ZFPM2: variants seen among roughly 807,000 people sequenced by gnomAD.
The protein encoded by ZFPM2 is zinc finger protein, FOG family member 2.
Under a neutral mutation model 98.6 loss-of-function variants are expected in ZFPM2, and 20 were observed. The ratio of observed to expected loss-of-function variants is 0.20; its 90% CI spans 0.14 to 0.29. The LOEUF is 0.29. ZFPM2 is among the 10% of genes least tolerant of loss of function. The pLI is 1.00. For synonymous variants in ZFPM2, 518 were observed against 502.7 expected, an observed-to-expected ratio of 1.03 and a Z score of -0.41; for missense variants, 1,310 against 1,388.6, an observed-to-expected ratio of 0.94 and a Z score of 0.90.
intron 3 of ZFPM2, among the ~76,000 whole-genome samples, chr8:105,458,221 T>G (rs1367881752): frequency 6.6e-6 from 1 of 152,208 alleles, no homozygotes; most frequent in Non-Finnish European, 1.5e-5. Context: ...GTTGCATGTT[T>G]TCAAATTTTT....
intron 1 of ZFPM2, among the ~76,000 whole-genome samples, chr8:105,395,896 T>C (rs1223350390): frequency 6.6e-6 from 1 of 152,204 alleles, no homozygotes; most frequent in Non-Finnish European, 1.5e-5. Context: ...ATCCTAGTTG[T>C]AGGCACGAGC....
Position 105,444,261 on chromosome 8 carries a change from T to C in ZFPM2, c.200-19T>C. 1.9e-6 allele frequency: 3 copies of C among 1,590,934 alleles called. No individual in the cohort carries two copies. Among genetic ancestry groups the C allele is most frequent in the African/African-American group, 2.7e-5 (2 of 74,596 alleles). On this transcript the variant is annotated intron_variant, in intron 2 of 7. Coordinates refer to ENST00000407775, the MANE Select transcript of ZFPM2 (RefSeq NM_012082.4). ...AGCTTTGCTCATTTTCTTTCTCTCC[T>C]TGTGTTGGTGTTTTCCAGGTGATGA...
At chr8:105,772,498 A>G (rs1266699715) in intron 5 of ZFPM2, among the ~76,000 whole-genome samples, 4 of 152,154 alleles carry the variant, frequency 2.6e-5, no homozygotes, top group Non-Finnish European at 5.9e-5. Context: ...GCAGGGGTAA[A>G]GAGGAAGGAA....
intron 6 of ZFPM2, among the ~76,000 whole-genome samples, chr8:105,792,302 T>A (rs1168822901): frequency 6.6e-6 from 1 of 152,188 alleles, no homozygotes; most frequent in African/African-American, 2.4e-5. Context: ...TTTGTTCTCA[T>A]TGGTTTCAAA....
Position 105,788,747 on chromosome 8 carries a change from G to A in ZFPM2, c.562G>A (p.Ala188Thr). The stretch of plus-strand genomic sequence containing the variant: ...TCAGCTTTGGTGTACAACTACGAAG[G>A]CCATCTCTGAGGGTGAAGAGCTAAT... ...GGQLWCTTTK[A>T]ISEGEELIAF... Residue 188 changes from alanine (A) to threonine (T), a missense_variant, in exon 6 of 8, where the codon GCC becomes ACC. Transcript: ENST00000407775. 6.2e-7 allele frequency: 1 copy of A among 1,613,928 alleles called. No homozygotes were observed. Among genetic ancestry groups the A allele is most frequent in the African/African-American group, 1.3e-5 (1 of 75,038 alleles).
chr8:105,610,385 A>C (rs1249230011), intron 4 of ZFPM2, among the ~76,000 whole-genome samples: 1 of 152,168 alleles, frequency 6.6e-6, no homozygotes, highest in Non-Finnish European at 1.5e-5. Flanking sequence ...GAAATTACTG[A>C]TATTGGAACT....
At chr8:105,641,572 C>G (rs1177643708) in intron 5 of ZFPM2, among the ~76,000 whole-genome samples, 2 of 152,088 alleles carry the variant, frequency 1.3e-5, no homozygotes, top group Non-Finnish European at 2.9e-5. Context: ...CTGTCTGTTG[C>G]AAATTGCAGA....
chr8:105,795,781 CAGTCGTCTGG>C, intron 6 of ZFPM2: 1 of 488,844 alleles, frequency 2.0e-6, no homozygotes, highest in Non-Finnish European at 4.1e-6. Flanking sequence ...GACACAAAAT[CAGTCGTCTGG>C]AGTCCCAAGA....
chr8:105,769,974 T>C (rs1289190860), intron 5 of ZFPM2, among the ~76,000 whole-genome samples: 2 of 152,130 alleles, frequency 1.3e-5, no homozygotes, highest in Non-Finnish European at 2.9e-5. Context: ...ACTTTTCTTA[T>C]ATGTGTTAAA....
chr8:105,366,069 A>G (rs188396860), intron 1 of ZFPM2, among the ~76,000 whole-genome samples: 3 of 152,334 alleles, frequency 2.0e-5, no homozygotes, highest in Admixed American at 2.0e-4. Context: ...GTTAAAATCC[A>G]AGCACTATTT....
At chr8:105,641,335 A>G (rs562735465) in intron 5 of ZFPM2, among the ~76,000 whole-genome samples, 2 of 152,180 alleles carry the variant, frequency 1.3e-5, no homozygotes, top group Non-Finnish European at 2.9e-5. Flanking sequence ...ACCACAGGAT[A>G]ACGCGATGCC....
chr8:105,738,006 T>G (rs545878631), intron 5 of ZFPM2, among the ~76,000 whole-genome samples: 139 of 152,112 alleles, frequency 9.1e-4, no homozygotes, highest in Non-Finnish European at 1.3e-3. Flanking sequence ...AGCTAAGTTT[T>G]TTTGATAGTT....
chr8:105,577,168 A>T (rs1400687424), intron 4 of ZFPM2, among the ~76,000 whole-genome samples: 1 of 152,182 alleles, frequency 6.6e-6, no homozygotes, highest in African/African-American at 2.4e-5. Context: ...ATAAGTCAGG[A>T]ACTCTTCTAA....
At chr8:105,586,536 C>T (rs561977645) in intron 4 of ZFPM2, among the ~76,000 whole-genome samples, 39 of 152,124 alleles carry the variant, frequency 2.6e-4, no homozygotes, top group African/African-American at 9.4e-4. Flanking sequence ...GATTCATCTG[C>T]CTCAGCCTCC....
At chr8:105,631,445 C>T (rs1816753971) in intron 4 of ZFPM2, among the ~76,000 whole-genome samples, 1 of 152,162 alleles carries the variant, frequency 6.6e-6, no homozygotes, top group Non-Finnish European at 1.5e-5. Context: ...ACTCCCATTT[C>T]CTGCACACTT....
intron 3 of ZFPM2, among the ~76,000 whole-genome samples, chr8:105,517,897 G>A (rs1375959): frequency 0.3 from 45,543 of 151,928 alleles, 8,197 homozygotes; most frequent in Non-Finnish European, 0.4. Flanking sequence ...GGGTGACAGA[G>A]GGAGACTCTG....
At chr8:105,707,617 G>A (rs539844065) in intron 5 of ZFPM2, among the ~76,000 whole-genome samples, 34 of 152,238 alleles carry the variant, frequency 2.2e-4, no homozygotes, top group Middle Eastern at 6.8e-3. Context: ...TGAATTGTTC[G>A]TTACTGGTTT....
At position 105,318,895 on chromosome 8, in the gene ZFPM2, C is replaced by G; in HGVS notation, c.-47C>G. 1.6e-6 allele frequency: 2 copies of G among 1,260,286 alleles called. No homozygotes were observed. The highest frequency in any genetic ancestry group is 2.1e-6 in the Non-Finnish European group (2 of 975,296). The allele number at this position is 1,260,286 out of a possible 1,614,324, so 78.1% of individuals were successfully genotyped here. ...GCGGGAGCCGAGGGAGCGGCAGCCG[C>G]GACCGCGGGCACCGCGGGAGCCCCA... is the stretch of plus-strand genomic sequence containing the variant. On this transcript the variant is annotated 5_prime_UTR_variant, in exon 1 of 8. Transcript: ENST00000407775.
At chr8:105,476,812 G>C (rs1813021096) in intron 3 of ZFPM2, among the ~76,000 whole-genome samples, 1 of 151,910 alleles carries the variant, frequency 6.6e-6, no homozygotes, top group Non-Finnish European at 1.5e-5. Flanking sequence ...ATGGAGAGTG[G>C]GGTGGGTGAT....
Sources: gnomAD v4.1 joint callset for allele counts (sites outside exome capture counted in the v4.1 genomes callset) on GRCh38, gnomAD v4.1.1 for gene constraint, MANE v1.5 for transcripts, NCBI Gene and HGNC (gene_info 2026-07-23, HGNC 2026-07-21) for gene names.